The following FRAT2 variants were observed in gnomAD, a reference collection of about 807,000 sequenced individuals.
The protein encoded by FRAT2 is GSK-3-binding protein FRAT2.
For synonymous variants in FRAT2, 205 were observed against 171.5 expected, an observed-to-expected ratio of 1.20 and a Z score of -1.53; for missense variants, 326 against 340.8, an observed-to-expected ratio of 0.96 and a Z score of 0.34.
In FRAT2 at chr10:97,334,151, G is replaced by A; in HGVS notation, c.422C>T (p.Pro141Leu). ...AEVAAGPSALPGPCRRGWLRD... is the reference protein window; with the variant it reads ...AEVAAGPSALLGPCRRGWLRD... ...GAGCCATCCTCGCCGGCACGGCCCC[G>A]GCAGCGCGCTGGGGCCTGCGGCGAC... The change falls in exon 1 of 1, where the codon CCG becomes CTG. Residue 141 changes from proline to leucine, a missense_variant. Coordinates refer to ENST00000371019, the MANE Select transcript of FRAT2 (RefSeq NM_012083.3). 6.7e-7 allele frequency: 1 copy of A among 1,489,966 alleles called. No homozygotes were observed. The highest frequency in any genetic ancestry group is 8.9e-7 in the Non-Finnish European group (1 of 1,128,988). The allele number at this position is 1,489,966 out of a possible 1,614,324, so 92.3% of individuals were successfully genotyped here. A position where few individuals can be genotyped will look rare whatever the true frequency, so the allele number is the denominator to read the frequency against.
In FRAT2 at chr10:97,333,303, CCCA is replaced by C. The variant is rs1449883722; in HGVS notation, c.*565_*567del. On this transcript the variant is annotated 3_prime_UTR_variant, in exon 1 of 1. Coordinates refer to ENST00000371019, the MANE Select transcript of FRAT2 (RefSeq NM_012083.3). ...AGTCCCTTAATTGGAGTTCACATCT[CCCA>C]CCTTCACCAGCCACCGAATCGGTGG... The C allele has an allele frequency of 6.6e-6, 1 of 152,258 alleles. No individual in the cohort carries two copies. The highest frequency in any genetic ancestry group is 1.5e-5 in the Non-Finnish European group (1 of 68,076). The allele number at this position is 152,258 out of a possible 1,614,324, so 9.4% of individuals were successfully genotyped here. A position where few individuals can be genotyped will look rare whatever the true frequency, so the allele number is the denominator to read the frequency against.
In FRAT2 at chr10:97,333,886, T is replaced by C. The variant is rs1389990769; in HGVS notation, c.687A>G (p.Ser229=). ...SGPDRIALQP[S]GSLL Reference sequence around the variant, plus strand: ...GAGGCCTGCGTCAGAGCAAGGAGCCTGAGGGCTGCAGGGCAATGCGGTCAG... The same window carrying C: ...GAGGCCTGCGTCAGAGCAAGGAGCCCGAGGGCTGCAGGGCAATGCGGTCAG... The change falls in exon 1 of 1, where the codon TCA becomes TCG. Residue 229 remains serine, a synonymous_variant. Coordinates refer to ENST00000371019, the MANE Select transcript of FRAT2 (RefSeq NM_012083.3). 7 of 1,542,076 alleles carry C rather than the reference T, an allele frequency of 4.5e-6. No homozygotes were observed. Among genetic ancestry groups the C allele is most frequent in the Non-Finnish European group, 4.3e-6 (5 of 1,149,948 alleles).
chr10:97,334,703 C>T lies in FRAT2; in HGVS notation c.-131G>A, dbSNP rs570727457. On this transcript the variant is annotated 5_prime_UTR_variant, in exon 1 of 1. It adds an upstream start codon to the 5' untranslated region. Coordinates refer to ENST00000371019, the MANE Select transcript of FRAT2 (RefSeq NM_012083.3). Reference sequence around the variant, plus strand: ...CGGAGCCCGCCAGGCACTCGAGCCACGCGCCTGCAGCCGCTGGAGCCGGAA... The same window carrying T: ...CGGAGCCCGCCAGGCACTCGAGCCATGCGCCTGCAGCCGCTGGAGCCGGAA... The T allele has an allele frequency of 1.9e-5, 21 of 1,104,022 alleles. 1 individual carries two copies. In the Middle Eastern group the frequency reaches 1.3e-3, roughly 71 times the overall value. 68.4% of individuals were successfully genotyped at this position (1,104,022 alleles called of 1,614,324 possible).
chr10:97,334,174 G>A lies in FRAT2; in HGVS notation c.399C>T (p.Val133=). The A allele has an allele frequency of 7.2e-7, 1 of 1,394,398 alleles. No homozygotes were observed. The highest frequency in any genetic ancestry group is 9.2e-7 in the Non-Finnish European group (1 of 1,084,272). 86.4% of individuals were successfully genotyped at this position (1,394,398 alleles called of 1,614,324 possible). A position where few individuals can be genotyped will look rare whatever the true frequency, so the allele number is the denominator to read the frequency against. Residue 133 remains valine (V), a synonymous_variant, in exon 1 of 1, where the codon GTC becomes GTT. Coordinates refer to ENST00000371019, the MANE Select transcript of FRAT2 (RefSeq NM_012083.3). The part of the protein sequence containing the change: ...GRAAPYCVAE[V]AAGPSALPGP... ...CCGGCAGCGCGCTGGGGCCTGCGGC[G>A]ACCTCCGCCACGCAGTAGGGCGCAG...
At position 97,333,876 on chromosome 10, in the gene FRAT2, G is replaced by A; in HGVS notation, c.697C>T (p.Leu233Phe). ...CCTCCTCCAGGAGGCCTGCGTCAGA[G>A]CAAGGAGCCTGAGGGCTGCAGGGCA... ...RIALQPSGSLL is the reference protein window; with the variant it reads ...RIALQPSGSLF The change falls in exon 1 of 1, where the codon CTC becomes TTC. Residue 233 changes from leucine (L) to phenylalanine (F), a missense_variant. Leu to Phe is a conservative substitution (Grantham distance 22). Coordinates refer to ENST00000371019, the MANE Select transcript of FRAT2 (RefSeq NM_012083.3). 1.3e-6 allele frequency: 2 copies of A among 1,523,696 alleles called. No homozygotes were observed. The highest frequency in any genetic ancestry group is 2.1e-5 in the Admixed American group (1 of 46,958). 94.4% of individuals were successfully genotyped at this position (1,523,696 alleles called of 1,614,324 possible).
Position 97,334,520 on chromosome 10 carries a change from TC to T in FRAT2, c.52del (p.Glu18ArgfsTer15). Reference protein sequence around the residue: ...EEEAGEEAEGEEEEDDSFLLL... With the variant: ...EEEAGEEAEGXEEEDDSFLLL... ...GAGGAAGCTGTCGTCCTCCTCTTCC[TC>T]CCCCTCCGCCTCCTCGCCGGCTTCC... On this transcript the variant is annotated frameshift_variant, in exon 1 of 1. Coordinates refer to ENST00000371019, the MANE Select transcript of FRAT2 (RefSeq NM_012083.3). LOFTEE classifies it low-confidence loss of function (END_TRUNC). 2 of 1,492,382 alleles carry T rather than the reference TC, an allele frequency of 1.3e-6. No individual in the cohort carries two copies. The highest frequency in any genetic ancestry group is 8.9e-7 in the Non-Finnish European group (1 of 1,125,678). 92.4% of individuals were successfully genotyped at this position (1,492,382 alleles called of 1,614,324 possible). A position where few individuals can be genotyped will look rare whatever the true frequency, so the allele number is the denominator to read the frequency against.
rs1386931323 is a variant in FRAT2 at position 97,332,796 on chromosome 10, G to A, written c.*1075C>T. On this transcript the variant is annotated 3_prime_UTR_variant, in exon 1 of 1. Transcript: ENST00000371019. Reference sequence around the variant, plus strand: ...GGCACGGGAGGAGGAAATAAATTGTGAGGGTGAGGAGCCGCCGAGGCCGAG... The same window carrying A: ...GGCACGGGAGGAGGAAATAAATTGTAAGGGTGAGGAGCCGCCGAGGCCGAG... 1 of 152,204 alleles carries A rather than the reference G, an allele frequency of 6.6e-6. No individual in the cohort carries two copies. The highest frequency in any genetic ancestry group is 2.4e-5 in the African/African-American group (1 of 41,438). The allele number at this position is 152,204 out of a possible 1,614,324, so 9.4% of individuals were successfully genotyped here. A position where few individuals can be genotyped will look rare whatever the true frequency, so the allele number is the denominator to read the frequency against.
At position 97,334,183 on chromosome 10, in the gene FRAT2, C is replaced by A. The variant is rs1843553761; in HGVS notation, c.390G>T (p.Val130=). 7.3e-7 allele frequency: 1 copy of A among 1,369,630 alleles called. No homozygotes were observed. The allele number at this position is 1,369,630 out of a possible 1,614,324, so 84.8% of individuals were successfully genotyped here. The part of the protein sequence containing the change: ...RVRGRAAPYC[V]AEVAAGPSAL... ...CGCTGGGGCCTGCGGCGACCTCCGC[C>A]ACGCAGTAGGGCGCAGCGCGTCCGC... The change falls in exon 1 of 1, where the codon GTG becomes GTT. Residue 130 remains valine, a synonymous_variant. Coordinates refer to ENST00000371019, the MANE Select transcript of FRAT2 (RefSeq NM_012083.3).
chr10:97,334,438 G>T lies in FRAT2; in HGVS notation c.135C>A (p.Ala45=). The T allele has an allele frequency of 1.4e-6, 2 of 1,477,788 alleles. No individual in the cohort carries two copies. Among genetic ancestry groups the T allele is most frequent in the Non-Finnish European group, 1.8e-6 (2 of 1,118,052 alleles). The allele number at this position is 1,477,788 out of a possible 1,614,324, so 91.5% of individuals were successfully genotyped here. A position where few individuals can be genotyped will look rare whatever the true frequency, so the allele number is the denominator to read the frequency against. The change falls in exon 1 of 1, where the codon GCC becomes GCA. Residue 45 remains alanine, a synonymous_variant. Transcript: ENST00000371019. ...GSSGEVDRLV[A]QIGETLQLDA... is the part of the protein sequence containing the mutation. ...CCAGCTGCAGCGTCTCGCCGATCTG[G>T]GCCACCAGCCGGTCCACCTCGCCCG...
rs1343992710 is a variant in FRAT2 at position 97,334,448 on chromosome 10, C to A, written c.125G>T (p.Arg42Leu). 10 of 1,483,514 alleles carry A rather than the reference C, an allele frequency of 6.7e-6. No individual in the cohort carries two copies. Among genetic ancestry groups the A allele is most frequent in the Non-Finnish European group, 8.9e-6 (10 of 1,121,288 alleles). 91.9% of individuals were successfully genotyped at this position (1,483,514 alleles called of 1,614,324 possible). The change falls in exon 1 of 1, where the codon CGG becomes CTG. Residue 42 changes from arginine to leucine, a missense_variant. Physicochemically the swap from Arg to Leu is moderately radical, Grantham distance 102. Transcript: ENST00000371019. Reference protein sequence around the residue: ...VTLGSSGEVDRLVAQIGETLQ... With the variant: ...VTLGSSGEVDLLVAQIGETLQ... ...CGTCTCGCCGATCTGGGCCACCAGC[C>A]GGTCCACCTCGCCCGAGCTGCCCAG...
rs1279098194 is a variant in FRAT2 at position 97,334,027 on chromosome 10, G to C, written c.546C>G (p.Leu182=). ...CCTTGATGAGGTTTCCCGAGAGCAC[G>C]AGCTGCTGGAGGAGCCGATGCGGGT... ...DDDPHRLLQQ[L]VLSGNLIKEA... The change falls in exon 1 of 1, where the codon CTC becomes CTG. Residue 182 remains leucine (L), a synonymous_variant. Coordinates refer to ENST00000371019, the MANE Select transcript of FRAT2 (RefSeq NM_012083.3). 4 of 1,595,914 alleles carry C rather than the reference G, an allele frequency of 2.5e-6. No homozygotes were observed. Among genetic ancestry groups the C allele is most frequent in the Non-Finnish European group, 3.4e-6 (4 of 1,178,620 alleles).
Position 97,334,071 on chromosome 10 carries a change from C to A in FRAT2, c.502G>T (p.Ala168Ser). Residue 168 changes from alanine (A) to serine (S), a missense_variant, in exon 1 of 1, where the codon GCA becomes TCA. Ala to Ser is a moderately conservative substitution (Grantham distance 99, BLOSUM62 1). Transcript: ENST00000371019. ...TGCGGGTCGTCGTCGCCGGCGCGTG[C>A]CCCGGCTTGGGTCCATCGGCGCTGC... ...LQQRRWTQAG[A>S]RAGDDDPHRL... is the part of the protein sequence containing the mutation. The A allele has an allele frequency of 6.3e-7, 1 of 1,594,346 alleles. No homozygotes were observed. The highest frequency in any genetic ancestry group is 8.5e-7 in the Non-Finnish European group (1 of 1,178,276).
In FRAT2 at chr10:97,334,567, C is replaced by A; in HGVS notation, c.6G>T (p.Pro2=). Residue 2 remains proline (P), a synonymous_variant, in exon 1 of 1, where the codon CCG becomes CCT. Coordinates refer to ENST00000371019, the MANE Select transcript of FRAT2 (RefSeq NM_012083.3). ...CTTCCTCTTCCTCCTCCCTCCGGCA[C>A]GGCATGGCCCCCCGTCCTGGCACCC... M[P]CRREEEEEAG... The A allele has an allele frequency of 6.9e-7, 1 of 1,453,606 alleles. No homozygotes were observed. The allele number at this position is 1,453,606 out of a possible 1,614,324, so 90.0% of individuals were successfully genotyped here.
rs1206861098 is a variant in FRAT2 at position 97,333,933 on chromosome 10, G to T, written c.640C>A (p.Pro214Thr). The T allele has an allele frequency of 6.4e-7, 1 of 1,574,222 alleles. No homozygotes were observed. Among genetic ancestry groups the T allele is most frequent in the Non-Finnish European group, 8.6e-7 (1 of 1,167,236 alleles). The change falls in exon 1 of 1, where the codon CCC becomes ACC. Residue 214 changes from proline to threonine, a missense_variant. Transcript: ENST00000371019. ...TCAGGTCCGCTGCGGCCTCCCCCGG[G>T]CCCAGGGGCGCTTGCGGGGCCCGTG... Reference protein sequence around the residue: ...AATGPASAPGPGGGRSGPDRI... With the variant: ...AATGPASAPGTGGGRSGPDRI...
In FRAT2 at chr10:97,333,699, G is replaced by A. The variant is rs1469464998; in HGVS notation, c.*172C>T. Reference sequence around the variant, plus strand: ...TCTCCACGCTTAAGTTTTCTCCGACGGCCTCGCCGCGGCTGGTAACTTCTC... The same window carrying A: ...TCTCCACGCTTAAGTTTTCTCCGACAGCCTCGCCGCGGCTGGTAACTTCTC... On this transcript the variant is annotated 3_prime_UTR_variant, in exon 1 of 1. Transcript: ENST00000371019. 1.6e-6 allele frequency: 1 copy of A among 620,326 alleles called. No homozygotes were observed. The highest frequency in any genetic ancestry group is 2.5e-6 in the Non-Finnish European group (1 of 403,100). 38.4% of individuals were successfully genotyped at this position (620,326 alleles called of 1,614,324 possible).
At position 97,334,703 on chromosome 10, in the gene FRAT2, C is replaced by G. The variant is rs570727457; in HGVS notation, c.-131G>C. ...CGGAGCCCGCCAGGCACTCGAGCCA[C>G]GCGCCTGCAGCCGCTGGAGCCGGAA... On this transcript the variant is annotated 5_prime_UTR_variant, in exon 1 of 1. Coordinates refer to ENST00000371019, the MANE Select transcript of FRAT2 (RefSeq NM_012083.3). The G allele has an allele frequency of 3.6e-6, 4 of 1,103,908 alleles. No individual in the cohort carries two copies. In the African/African-American group the frequency reaches 4.9e-5, roughly 14 times the overall value. The allele number at this position is 1,103,908 out of a possible 1,614,324, so 68.4% of individuals were successfully genotyped here. A position where few individuals can be genotyped will look rare whatever the true frequency, so the allele number is the denominator to read the frequency against.
chr10:97,333,719 C>T lies in FRAT2; in HGVS notation c.*152G>A. The T allele has an allele frequency of 5.0e-6, 4 of 796,810 alleles. No homozygotes were observed. In the South Asian group the frequency reaches 1.3e-4, roughly 25 times the overall value. 49.4% of individuals were successfully genotyped at this position (796,810 alleles called of 1,614,324 possible). On this transcript the variant is annotated 3_prime_UTR_variant, in exon 1 of 1. Transcript: ENST00000371019. ...CCGACGGCCTCGCCGCGGCTGGTAACTTCTCTGGTTGAGATCTCTCCCCAC... is the reference window on the plus strand; with the variant it reads ...CCGACGGCCTCGCCGCGGCTGGTAATTTCTCTGGTTGAGATCTCTCCCCAC...
In FRAT2 at chr10:97,334,074, C is replaced by T. The variant is rs764959921; in HGVS notation, c.499G>A (p.Gly167Arg). 6.3e-7 allele frequency: 1 copy of T among 1,593,646 alleles called. No individual in the cohort carries two copies. Among genetic ancestry groups the T allele is most frequent in the Non-Finnish European group, 8.5e-7 (1 of 1,178,066 alleles). ...RLQQRRWTQAGARAGDDDPHR... is the reference protein window; with the variant it reads ...RLQQRRWTQARARAGDDDPHR... Reference sequence around the variant, plus strand: ...GGGTCGTCGTCGCCGGCGCGTGCCCCGGCTTGGGTCCATCGGCGCTGCTGC... The same window carrying T: ...GGGTCGTCGTCGCCGGCGCGTGCCCTGGCTTGGGTCCATCGGCGCTGCTGC... The change falls in exon 1 of 1, where the codon GGG becomes AGG. Residue 167 changes from glycine (G) to arginine (R), a missense_variant. By Grantham distance (125) the Gly-to-Arg change is moderately radical (BLOSUM62 -2). Transcript: ENST00000371019.
In FRAT2 at chr10:97,334,089, G is replaced by A; in HGVS notation, c.484C>T (p.Arg162Ter). 6.3e-7 allele frequency: 1 copy of A among 1,590,800 alleles called. No homozygotes were observed. Among genetic ancestry groups the A allele is most frequent in the Non-Finnish European group, 8.5e-7 (1 of 1,177,010 alleles). The change falls in exon 1 of 1, where the codon CGA becomes TGA. Residue 162 changes from arginine (R) to a stop codon, truncating the protein, a stop_gained. Transcript: ENST00000371019. LOFTEE classifies it low-confidence loss of function (END_TRUNC). Reference protein sequence around the residue: ...AVTSRRLQQRRWTQAGARAGD... With the variant: ...AVTSRRLQQR ...GCGCGTGCCCCGGCTTGGGTCCATCGGCGCTGCTGCAAGCGGCGGGAGGTG... is the reference window on the plus strand; with the variant it reads ...GCGCGTGCCCCGGCTTGGGTCCATCAGCGCTGCTGCAAGCGGCGGGAGGTG...
Sources: allele counts gnomAD v4.1 joint callset, GRCh38; gene constraint gnomAD v4.1.1; transcripts MANE v1.5; gene names NCBI Gene and HGNC (gene_info 2026-07-23, HGNC 2026-07-21).